BROX: variants seen among roughly 807,000 people sequenced by gnomAD.
The protein encoded by BROX is BRO1 domain and CAAX motif containing.
BROX carries 53 observed loss-of-function variants against 61.0 expected under a neutral mutation model. The ratio of observed to expected loss-of-function variants is 0.87; its 90% CI spans 0.70 to 1.09. BROX has a LOEUF of 1.09. Ranked by LOEUF, BROX falls within the 50% of genes least tolerant of loss-of-function variation. The pLI is 0.00. For synonymous variants in BROX, 152 were observed against 160.2 expected (o/e 0.95, Z 0.38); for missense variants, 489 against 472.0 (o/e 1.04, Z -0.33).
rs368882953 is a variant in BROX, at chr1:222,732,930, A to G, written c.*216A>G. The stretch of plus-strand genomic sequence containing the variant: ...TCCTTTTTAATCAGGACAACATTTG[A>G]AAGATTTTATTGTGCCTCTAAAGGG... On this transcript the variant is annotated 3_prime_UTR_variant, in exon 13 of 13. Coordinates refer to ENST00000340934, the MANE Select transcript of BROX (RefSeq NM_144695.4). 5.8e-6 allele frequency: 3 copies of G among 518,766 alleles called. No individual in the cohort carries two copies. The African/African-American group carries it at 5.9e-5, about 10-fold the overall frequency. 32.1% of individuals were successfully genotyped at this position (518,766 alleles called of 1,614,324 possible).
rs1657709438 is a variant in BROX at position 222,728,773 on chromosome 1, A to G, written c.701A>G (p.Tyr234Cys). ...DHTLSSLEPA[Y>C]SAKWRKYLHL... ...ACTTTATCCAGTTTGGAGCCTGCAT[A>G]TTCTGCCAAATGGAGAAAATATCTT... The change falls in exon 9 of 13, where the codon TAT becomes TGT. Residue 234 changes from tyrosine (Y) to cysteine (C), a missense_variant. Physicochemically the swap from Tyr to Cys is radical, Grantham distance 194. Coordinates refer to ENST00000340934, the MANE Select transcript of BROX (RefSeq NM_144695.4). 6.2e-7 allele frequency: 1 copy of G among 1,603,680 alleles called. No individual in the cohort carries two copies. Among genetic ancestry groups the G allele is most frequent in the Non-Finnish European group, 8.5e-7 (1 of 1,172,298 alleles).
Position 222,728,805 on chromosome 1 carries a change from A to G in BROX, c.733A>G (p.Lys245Glu). 6.2e-7 allele frequency: 1 copy of G among 1,602,304 alleles called. No homozygotes were observed. Among genetic ancestry groups the G allele is most frequent in the Admixed American group, 1.7e-5 (1 of 59,954 alleles). ...CAAATGGAGAAAATATCTTCACTTG[A>G]AGATGTGTTTCTACACAGCTTATGT... ...SAKWRKYLHLKMCFYTAYAYC... is the reference protein window; with the variant it reads ...SAKWRKYLHLEMCFYTAYAYC... The change falls in exon 9 of 13, where the codon AAG becomes GAG. Residue 245 changes from lysine (K) to glutamate (E), a missense_variant. Transcript: ENST00000340934.
At chr1:222,716,016 A>G (rs1322182556) in intron 2 of BROX, among the ~76,000 whole-genome samples, 1 of 152,260 alleles carries the variant, frequency 6.6e-6, no homozygotes, top group Non-Finnish European at 1.5e-5. Flanking sequence ...AAGCAATCAC[A>G]GTAAAACAGT....
chr1:222,717,455 A>G (rs1262470498), intron 2 of BROX, among the ~76,000 whole-genome samples: 3 of 152,230 alleles, frequency 2.0e-5, no homozygotes, highest in Non-Finnish European at 2.9e-5. Flanking sequence ...ATATAACTTT[A>G]CAAGTTGAGC....
intron 5 of BROX, among the ~76,000 whole-genome samples, chr1:222,723,457 G>C (rs1358464250): frequency 6.6e-6 from 1 of 152,072 alleles, no homozygotes; most frequent in African/African-American, 2.4e-5. Context: ...TTTACACCTA[G>C]TTAGGGTCTC....
At chr1:222,716,452 G>A (rs1456702738) in intron 2 of BROX, among the ~76,000 whole-genome samples, 1 of 152,188 alleles carries the variant, frequency 6.6e-6, no homozygotes, top group East Asian at 1.9e-4. Context: ...TTCAGAATAA[G>A]GAGAGATCCC....
intron 8 of BROX, among the ~76,000 whole-genome samples, chr1:222,727,686 A>T (rs908224525): frequency 2.0e-5 from 3 of 152,174 alleles, no homozygotes; most frequent in Non-Finnish European, 4.4e-5. Flanking sequence ...TATTTATGGG[A>T]TAGTTACTGT....
rs1466914419 is a variant in BROX at position 222,718,593 on chromosome 1, GT to G, written c.102-327del. Among the ~76,000 whole-genome samples the G allele has an allele frequency of 4.6e-5, 7 of 151,538 alleles. No individual in the cohort carries two copies. In the East Asian group the frequency reaches 1.4e-3, roughly 30 times the overall value. On this transcript the variant is annotated intron_variant, in intron 2 of 12. Coordinates refer to ENST00000340934, the MANE Select transcript of BROX (RefSeq NM_144695.4). ...CTTAAGTGCATGCATTTGTTTGATT[GT>G]TTTTAATTAAAACTTGACATATATT... is the stretch of plus-strand genomic sequence containing the variant.
At position 222,734,446 on chromosome 1, in the gene BROX, A is replaced by G. The variant is rs1658155698; in HGVS notation, c.*1732A>G. 1 of 139,886 alleles carries G rather than the reference A, an allele frequency of 7.1e-6. No homozygotes were observed. The highest frequency in any genetic ancestry group is 2.1e-4 in the South Asian group (1 of 4,704). The allele number at this position is 139,886 out of a possible 1,614,324, so 8.7% of individuals were successfully genotyped here. A position where few individuals can be genotyped will look rare whatever the true frequency, so the allele number is the denominator to read the frequency against. Reference sequence around the variant, plus strand: ...AAATAAGTGATTACTTAAATCATATATCATAGTTTACACTCCTTAAAAAAA... The same window carrying G: ...AAATAAGTGATTACTTAAATCATATGTCATAGTTTACACTCCTTAAAAAAA... On this transcript the variant is annotated 3_prime_UTR_variant, in exon 13 of 13. Transcript: ENST00000340934.
At position 222,733,076 on chromosome 1, in the gene BROX, C is replaced by CTTTTTTTTTTTTTTTTTTTTTTTGGT. The variant is rs1204871063; in HGVS notation, c.*383_*384insTTGGTTTTTTTTTTTTTTTTTTTTTT. The CTTTTTTTTTTTTTTTTTTTTTTTGGT allele has an allele frequency of 1.3e-5, 1 of 75,976 alleles. No homozygotes were observed. Among genetic ancestry groups the CTTTTTTTTTTTTTTTTTTTTTTTGGT allele is most frequent in the Non-Finnish European group, 2.6e-5 (1 of 37,768 alleles). The allele number at this position is 75,976 out of a possible 1,614,324, so 4.7% of individuals were successfully genotyped here. On this transcript the variant is annotated 3_prime_UTR_variant, in exon 13 of 13. Transcript: ENST00000340934. ...TTTTTTCTTTTTCTTTTTTTTTTTT[C>CTTTTTTTTTTTTTTTTTTTTTTTGGT]TTTTTTTTTTTTTTTTTTTTTGAGG...
chr1:222,723,167 A>G (rs969403732), intron 5 of BROX, among the ~76,000 whole-genome samples: 2 of 152,250 alleles, frequency 1.3e-5, no homozygotes, highest in Non-Finnish European at 2.9e-5. Flanking sequence ...GGTGATTAAA[A>G]TAAGAGCAGA....
rs779189209 is a variant in BROX, at chr1:222,719,031, GGTTA to G, written c.208+5_208+8del. ...AGATTCATATTTCTCACTTTTACAAGGTTAGTTATTTATATGAACTTGAGGTTTT... is the reference window on the plus strand; with the variant it reads ...AGATTCATATTTCTCACTTTTACAAGGTTATTTATATGAACTTGAGGTTTT... On this transcript the variant is annotated splice_donor_variant and splice_donor_region_variant and intron_variant, in intron 3 of 12. Coordinates refer to ENST00000340934, the MANE Select transcript of BROX (RefSeq NM_144695.4). LOFTEE classifies it high-confidence loss of function. 1.3e-5 allele frequency: 21 copies of G among 1,605,746 alleles called. No homozygotes were observed. Among genetic ancestry groups the G allele is most frequent in the Middle Eastern group, 1.6e-4 (1 of 6,064 alleles).
chr1:222,717,663 A>G (rs1571964047), intron 2 of BROX, among the ~76,000 whole-genome samples: 1 of 152,190 alleles, frequency 6.6e-6, no homozygotes, highest in Non-Finnish European at 1.5e-5. Context: ...GGCAATACAT[A>G]CATACTTTCT....
At chr1:222,713,424 C>T (rs1216485673) in intron 1 of BROX, 1 of 985,598 alleles carries the variant, frequency 1.0e-6, no homozygotes, top group Non-Finnish European at 1.2e-6. Flanking sequence ...CAGGTAGGTT[C>T]CTCTGGGGAC....
chr1:222,731,523 G>A lies in BROX; in HGVS notation c.1149+7G>A. On this transcript the variant is annotated splice_region_variant and intron_variant, in intron 12 of 12. Coordinates refer to ENST00000340934, the MANE Select transcript of BROX (RefSeq NM_144695.4). ...AAGACCCAAGGATGACAGTGTATGA[G>A]ATTGTTTTTTTTTTTCCCTCTCATT... is the stretch of plus-strand genomic sequence containing the variant. 1.9e-6 allele frequency: 3 copies of A among 1,570,000 alleles called. No individual in the cohort carries two copies. The highest frequency in any genetic ancestry group is 1.7e-6 in the Non-Finnish European group (2 of 1,167,714).
chr1:222,717,624 G>T (rs1424893738), intron 2 of BROX, among the ~76,000 whole-genome samples: 3 of 152,146 alleles, frequency 2.0e-5, no homozygotes, highest in African/African-American at 7.2e-5. Flanking sequence ...AAGATAGCCA[G>T]TCACATTTTC....
rs138701773 is a variant in BROX at position 222,721,127 on chromosome 1, C to CA, written c.306-1292_306-1291insA. ...GAAAAGAGTTACTCATGAGACTTCACTAAATTAGCCAAACTGTTATATTAT... is the reference window on the plus strand; with the variant it reads ...GAAAAGAGTTACTCATGAGACTTCACATAAATTAGCCAAACTGTTATATTAT... On this transcript the variant is annotated intron_variant, in intron 4 of 12. Coordinates refer to ENST00000340934, the MANE Select transcript of BROX (RefSeq NM_144695.4). 1.5e-3 allele frequency among the ~76,000 whole-genome samples: 226 copies of CA among 152,282 alleles called. 6 individuals carry two copies. In the South Asian group the frequency reaches 0.021, roughly 14 times the overall value.
intron 11 of BROX, among the ~76,000 whole-genome samples, 194 bp downstream of exon 11, chr1:222,730,371 G>GC (rs1480564145): frequency 6.6e-6 from 1 of 152,120 alleles, no homozygotes; most frequent in Non-Finnish European, 1.5e-5. Context: ...CAAGGAGGGT[G>GC]AATCCCTTAA....
In BROX at chr1:222,731,076, C is replaced by T. The variant is rs576140223; in HGVS notation, c.990-281C>T. On this transcript the variant is annotated intron_variant, in intron 11 of 12. Coordinates refer to ENST00000340934, the MANE Select transcript of BROX (RefSeq NM_144695.4). ...TGAGCTTTTCACTTCCTTAAGCATG[C>T]CTAGTTCACCTTTAATCACTTCCTT... Among the ~76,000 whole-genome samples, 14 of 152,290 alleles carry T rather than the reference C, an allele frequency of 9.2e-5. No individual in the cohort carries two copies. The South Asian group carries it at 2.9e-3, about 32-fold the overall frequency.
Sources: gnomAD v4.1 joint callset for allele counts (sites outside exome capture counted in the v4.1 genomes callset) on GRCh38, gnomAD v4.1.1 for gene constraint, MANE v1.5 for transcripts, NCBI Gene and HGNC (gene_info 2026-07-23, HGNC 2026-07-21) for gene names.